Variants in HPSE2 observed in about 807,000 individuals in gnomAD.
HPSE2 encodes the protein inactive heparanase-2.
In HPSE2, 38 loss-of-function variants were observed where a neutral mutation model predicts 60.5. That is an observed-to-expected ratio of 0.63 (90% CI 0.48 to 0.82). The LOEUF (loss-of-function observed/expected upper bound fraction) is 0.82, where lower values mean the gene tolerates loss of function less well. Ranked by LOEUF, HPSE2 falls within the 40% of genes least tolerant of loss-of-function variation. The pLI, the probability that HPSE2 is intolerant of heterozygous loss-of-function variation, is 0.00. For synonymous variants in HPSE2, 295 were observed against 293.2 expected (o/e 1.01, Z -0.06); for missense variants, 713 against 740.4 (o/e 0.96, Z 0.43).
chr10:98,718,777 G>T (rs1432110469), intron 5 of HPSE2, among the ~76,000 whole-genome samples: 1 of 152,046 alleles, frequency 6.6e-6, no homozygotes, highest in Non-Finnish European at 1.5e-5. Context: ...GTAACCAGAG[G>T]CTAGGAAGGG....
intron 9 of HPSE2, among the ~76,000 whole-genome samples, chr10:98,526,470 T>C (rs1942970739): frequency 6.6e-6 from 1 of 152,210 alleles, no homozygotes; most frequent in African/African-American, 2.4e-5. Flanking sequence ...TCCTGTAGTA[T>C]AAAGTTTAGC....
chr10:98,857,977 T>C (rs1010890754), intron 3 of HPSE2, among the ~76,000 whole-genome samples: 1 of 152,184 alleles, frequency 6.6e-6, no homozygotes, highest in Non-Finnish European at 1.5e-5. Flanking sequence ...CCACTGGTCT[T>C]AGAGGCAAAT....
chr10:99,012,446 A>C (rs1307814595), intron 3 of HPSE2, among the ~76,000 whole-genome samples: 1 of 151,926 alleles, frequency 6.6e-6, no homozygotes, highest in African/African-American at 2.4e-5. Flanking sequence ...TTTTTTTAAC[A>C]AGCAGCTCAA....
At chr10:98,864,171 T>C (rs1036154557) in intron 3 of HPSE2, among the ~76,000 whole-genome samples, 19 of 152,098 alleles carry the variant, frequency 1.2e-4, no homozygotes, top group Non-Finnish European at 4.4e-5. Context: ...AAACTTAAGA[T>C]GACTAATAAA....
the HPSE2 span, among the ~76,000 whole-genome samples, chr10:99,284,412 C>T: frequency 2.0e-5 from 3 of 152,086 alleles, no homozygotes; most frequent in African/African-American, 7.2e-5. Context: ...AAAAAACTCA[C>T]ATCTAACATC....
intron 9 of HPSE2, among the ~76,000 whole-genome samples, chr10:98,586,011 C>T (rs1015580338): frequency 4.0e-5 from 6 of 149,174 alleles, no homozygotes; most frequent in Non-Finnish European, 8.9e-5. Context: ...TGAAGCTTTA[C>T]AATTATTATT....
At chr10:98,579,955 T>C (rs751958473) in intron 9 of HPSE2, among the ~76,000 whole-genome samples, 7 of 152,232 alleles carry the variant, frequency 4.6e-5, no homozygotes, top group Non-Finnish European at 1.0e-4. Flanking sequence ...CTATCTGCAC[T>C]GTTAAGTCTG....
chr10:98,825,617 G>T (rs1215507573), intron 3 of HPSE2, among the ~76,000 whole-genome samples: 1 of 151,020 alleles, frequency 6.6e-6, no homozygotes, highest in South Asian at 2.1e-4. Context: ...GGTTGGGGGG[G>T]CGGGGGTGGG....
intron 2 of HPSE2, among the ~76,000 whole-genome samples, chr10:99,181,585 A>G (rs1181645364): frequency 6.6e-6 from 1 of 152,142 alleles, no homozygotes; most frequent in Non-Finnish European, 1.5e-5. Context: ...TTTGCAGGGA[A>G]TGGATGAAGC....
rs1157232317 is a variant in HPSE2, at chr10:99,117,417, G to GAA, written c.610+26819_610+26820dup. On this transcript the variant is annotated intron_variant, in intron 3 of 11. Coordinates refer to ENST00000370552, the MANE Select transcript of HPSE2 (RefSeq NM_021828.5). ...CAGCAAATCCAAGAGTTGTTTTTTT[G>GAA]AAAAAAAAAAAAAAAAAAAAAAAAA... is the stretch of plus-strand genomic sequence containing the variant. Among the ~76,000 whole-genome samples, 24 of 24,816 alleles carry GAA rather than the reference G, an allele frequency of 9.7e-4. 1 individual carries two copies. The highest frequency in any genetic ancestry group is 4.9e-3 in the African/African-American group (19 of 3,840). The allele number at this position is 24,816 out of a possible 152,430, so 16.3% of individuals were successfully genotyped here.
intron 3 of HPSE2, among the ~76,000 whole-genome samples, chr10:98,949,345 AC>A (rs1955287116): frequency 6.6e-6 from 1 of 152,108 alleles, no homozygotes; most frequent in Non-Finnish European, 1.5e-5. Flanking sequence ...AATGGATGTA[AC>A]CCAAGGTGGG....
chr10:99,217,998 G>A (rs543189687), intron 2 of HPSE2, among the ~76,000 whole-genome samples: 3 of 152,076 alleles, frequency 2.0e-5, no homozygotes, highest in East Asian at 3.9e-4. Flanking sequence ...TAGCTGCCTC[G>A]TTGGGGTGTG....
At chr10:99,280,119 T>A in the HPSE2 span, among the ~76,000 whole-genome samples, 2 of 152,340 alleles carry the variant, frequency 1.3e-5, no homozygotes, top group Admixed American at 1.3e-4. Flanking sequence ...GCTCTCTGAA[T>A]CAGAAGTTCT....
At chr10:98,553,123 T>C (rs1217738652) in intron 9 of HPSE2, among the ~76,000 whole-genome samples, 1 of 152,236 alleles carries the variant, frequency 6.6e-6, no homozygotes, top group Admixed American at 6.5e-5. Context: ...GAGTACACAC[T>C]TGTTTCCAGA....
In HPSE2 at chr10:98,561,165, G is replaced by GTTT. The variant is rs141881144; in HGVS notation, c.1320+53738_1320+53739insAAA. On this transcript the variant is annotated intron_variant, in intron 9 of 11. Transcript: ENST00000370552. ...GAAAGTGATACTGGTTTTTTTTTTT[G>GTTT]TTCTTTTTTTTGTTTTTTTGACACA... is the stretch of plus-strand genomic sequence containing the variant. Among the ~76,000 whole-genome samples the GTTT allele has an allele frequency of 1.1e-3, 163 of 145,030 alleles. 1 individual carries two copies. Among genetic ancestry groups the GTTT allele is most frequent in the Non-Finnish European group, 1.6e-3 (107 of 66,700 alleles).
At position 98,459,298 on chromosome 10, in the gene HPSE2, T is replaced by A; in HGVS notation, c.*276A>T. 2.2e-6 allele frequency: 1 copy of A among 462,646 alleles called. No homozygotes were observed. Among genetic ancestry groups the A allele is most frequent in the Non-Finnish European group, 4.0e-6 (1 of 250,142 alleles). The allele number at this position is 462,646 out of a possible 1,614,324, so 28.7% of individuals were successfully genotyped here. A position where few individuals can be genotyped will look rare whatever the true frequency, so the allele number is the denominator to read the frequency against. On this transcript the variant is annotated 3_prime_UTR_variant, in exon 12 of 12. Transcript: ENST00000370552. ...GTGTGCTGTCAGCTCGTTTTCATAGTGCACATGAAGGGAAACATTCTGCTC... is the reference window on the plus strand; with the variant it reads ...GTGTGCTGTCAGCTCGTTTTCATAGAGCACATGAAGGGAAACATTCTGCTC...
chr10:98,724,181 G>T (rs368132078), intron 4 of HPSE2, among the ~76,000 whole-genome samples: 6,173 of 151,720 alleles, frequency 0.041, 199 homozygotes, highest in East Asian at 0.12. Flanking sequence ...TTCTCGTTGG[G>T]TTCAAAGAAC....
At chr10:98,995,719 A>G (rs1956628405) in intron 3 of HPSE2, among the ~76,000 whole-genome samples, 1 of 152,204 alleles carries the variant, frequency 6.6e-6, no homozygotes, top group Non-Finnish European at 1.5e-5. Context: ...AATTATATCC[A>G]GAACAAATAA....
At chr10:99,165,212 A>G (rs1019064464) in intron 2 of HPSE2, among the ~76,000 whole-genome samples, 4 of 152,104 alleles carry the variant, frequency 2.6e-5, no homozygotes, top group Non-Finnish European at 5.9e-5. Context: ...TAATATACAT[A>G]CAAAGTAGTT....
Sources: gnomAD v4.1 joint callset for allele counts (sites outside exome capture counted in the v4.1 genomes callset) on GRCh38, gnomAD v4.1.1 for gene constraint, MANE v1.5 for transcripts, NCBI Gene and HGNC (gene_info 2026-07-23, HGNC 2026-07-21) for gene names.